The following SLC26A8 variants were observed in gnomAD, a reference collection of about 807,000 sequenced individuals.
SLC26A8 encodes testis anion transporter 1.
In SLC26A8, 70 loss-of-function variants were observed where a neutral mutation model predicts 105.0. The observed-to-expected ratio is 0.67, with a 90% confidence interval of 0.55 to 0.81. SLC26A8 has a LOEUF of 0.81. Ranked by LOEUF, SLC26A8 falls within the 40% of genes least tolerant of loss-of-function variation. SLC26A8 has a pLI of 0.00. For synonymous variants in SLC26A8, 415 were observed against 438.3 expected, an observed-to-expected ratio of 0.95 and a Z score of 0.66; for missense variants, 998 against 1,181.8, an observed-to-expected ratio of 0.84 and a Z score of 2.28.
rs114530544 is a variant in SLC26A8, at chr6:35,974,045, C to T, written c.1287+1330G>A. ...AAACTCATGAACATTGGGCCGGGCC[C>T]GGTGGTTCATGCCTGTAATCCCAGC... On this transcript the variant is annotated intron_variant, in intron 10 of 19. Transcript: ENST00000490799. Among the ~76,000 whole-genome samples the T allele has an allele frequency of 4.4e-3, 668 of 152,280 alleles. 8 individuals carry two copies. The highest frequency in any genetic ancestry group is 6.6e-3 in the Non-Finnish European group (452 of 68,028).
intron 2 of SLC26A8, 77 bp from the exon 3 acceptor site, chr6:36,012,449 C>T (rs542141267): frequency 6.8e-7 from 1 of 1,475,634 alleles, no homozygotes; most frequent in South Asian, 1.4e-5. Flanking sequence ...GGCATTTGGC[C>T]CACATAGCCA....
At chr6:36,004,674 G>A (rs77812847) in intron 3 of SLC26A8, among the ~76,000 whole-genome samples, 1 of 73,596 alleles carries the variant, frequency 1.4e-5, no homozygotes, top group African/African-American at 6.0e-5. Flanking sequence ...TCTTTTTTTT[G>A]TGTGTGACTG....
At chr6:35,989,088 C>T (rs1307227312) in intron 7 of SLC26A8, among the ~76,000 whole-genome samples, 1 of 152,126 alleles carries the variant, frequency 6.6e-6, no homozygotes, top group Non-Finnish European at 1.5e-5. Flanking sequence ...GATCCACCCA[C>T]CTCGGCCTCC....
chr6:36,003,996 T>A (rs936360575), intron 3 of SLC26A8, among the ~76,000 whole-genome samples: 3 of 151,790 alleles, frequency 2.0e-5, no homozygotes, highest in Non-Finnish European at 2.9e-5. Context: ...AGTGTACGTA[T>A]CCCTACACAA....
At chr6:35,985,451 T>C (rs1230978032) in intron 7 of SLC26A8, among the ~76,000 whole-genome samples, 1 of 151,874 alleles carries the variant, frequency 6.6e-6, no homozygotes, top group Non-Finnish European at 1.5e-5. Context: ...TCCCAGCACT[T>C]TGGGAGGCCA....
At chr6:35,968,146 C>T (rs1042691303) in intron 11 of SLC26A8, among the ~76,000 whole-genome samples, 2 of 149,050 alleles carry the variant, frequency 1.3e-5, no homozygotes, top group African/African-American at 4.9e-5. Flanking sequence ...CTATAACTAA[C>T]GCTTTTTTTT....
chr6:35,944,136 C>T lies in SLC26A8; in HGVS notation c.2677G>A (p.Glu893Lys), dbSNP rs763497134. Residue 893 changes from glutamate to lysine, a missense_variant, in exon 20 of 20, where the codon GAG becomes AAG. Coordinates refer to ENST00000490799, the MANE Select transcript of SLC26A8 (RefSeq NM_052961.4). Reference protein sequence around the residue: ...EPEMEPKAETETKTQTEMEPQ... With the variant: ...EPEMEPKAETKTKTQTEMEPQ... ...TCCATCTCGGTCTGGGTCTTGGTCT[C>T]GGTCTCAGCCTTGGGCTCCATTTCA... 5 of 1,614,084 alleles carry T rather than the reference C, an allele frequency of 3.1e-6. No individual in the cohort carries two copies. Among genetic ancestry groups the T allele is most frequent in the East Asian group, 2.2e-5 (1 of 44,884 alleles).
chr6:35,998,563 A>AG (rs1761426843), intron 4 of SLC26A8, among the ~76,000 whole-genome samples: 2 of 151,960 alleles, frequency 1.3e-5, no homozygotes, highest in Admixed American at 6.6e-5. Flanking sequence ...CTCAAAAAAA[A>AG]AAAAAGAAAA....
rs79003027 is a variant in SLC26A8, at chr6:36,005,424, T to A, written c.329-5316A>T. ...TTGTTATTTCCCCTTATTCCTGCAA[T>A]CTATAACAGTTCCTTAATTTTTACC... On this transcript the variant is annotated intron_variant, in intron 3 of 19. Coordinates refer to ENST00000490799, the MANE Select transcript of SLC26A8 (RefSeq NM_052961.4). Among the ~76,000 whole-genome samples the A allele has an allele frequency of 4.7e-4, 71 of 152,338 alleles. 1 individual carries two copies. The East Asian group carries it at 0.014, about 29-fold the overall frequency.
chr6:36,006,312 G>T (rs1207156602), intron 3 of SLC26A8, among the ~76,000 whole-genome samples: 5 of 152,098 alleles, frequency 3.3e-5, no homozygotes, highest in African/African-American at 1.2e-4. Context: ...TAGAGACAGG[G>T]TTTTGCCATA....
At position 35,994,111 on chromosome 6, in the gene SLC26A8, CTTTTCTTTTTTTTTT is replaced by C. The variant is rs1761275251; in HGVS notation, c.628-1452_628-1438del. ...CGGCACTGTGTCTCCCTTTTTTTTT[CTTTTCTTTTTTTTTT>C]TTTTTTGAGACGGAGTCTTGCTCTG... On this transcript the variant is annotated intron_variant, in intron 5 of 19. Coordinates refer to ENST00000490799, the MANE Select transcript of SLC26A8 (RefSeq NM_052961.4). 5.9e-5 allele frequency among the ~76,000 whole-genome samples: 7 copies of C among 118,534 alleles called. No individual in the cohort carries two copies. In the South Asian group the frequency reaches 2.3e-3, roughly 39 times the overall value. The allele number at this position is 118,534 out of a possible 152,430, so 77.8% of individuals were successfully genotyped here.
chr6:35,964,146 C>G (rs932608914), intron 11 of SLC26A8, among the ~76,000 whole-genome samples: 8 of 152,066 alleles, frequency 5.3e-5, no homozygotes, highest in Non-Finnish European at 1.0e-4. Flanking sequence ...GAGATGGAGG[C>G]TGCAGTGAGG....
chr6:35,943,950 G>A lies in SLC26A8; in HGVS notation c.2863C>T (p.His955Tyr). The change falls in exon 20 of 20, where the codon CAT (histidine) becomes TAT (tyrosine). Residue 955 changes from histidine (H) to tyrosine (Y), a missense_variant. Physicochemically the swap from His to Tyr is moderately conservative, Grantham distance 83. Transcript: ENST00000490799. ...TRTWSVERRR[H>Y]PMDSYSPEGN... Reference sequence around the variant, plus strand: ...TCTGGTGAGTATGAATCCATAGGATGGCGTCTCCTCTCCACTGACCATGTC... The same window carrying A: ...TCTGGTGAGTATGAATCCATAGGATAGCGTCTCCTCTCCACTGACCATGTC... The A allele has an allele frequency of 6.2e-7, 1 of 1,614,168 alleles. No homozygotes were observed. The highest frequency in any genetic ancestry group is 8.5e-7 in the Non-Finnish European group (1 of 1,180,030).
intron 8 of SLC26A8, among the ~76,000 whole-genome samples, chr6:35,977,620 T>G (rs1256637072): frequency 1.3e-5 from 2 of 152,164 alleles, no homozygotes; most frequent in Non-Finnish European, 2.9e-5. Context: ...GGCCAAACAT[T>G]AACGATTCAC....
rs138791675 is a variant in SLC26A8 at position 35,968,167 on chromosome 6, C to T, written c.1365+710G>A. ...CTAACGCTTTTTTTTCTTTTTTAGA[C>T]GGAGTCTCACTCTGTAACCCAGGCT... On this transcript the variant is annotated intron_variant, in intron 11 of 19. Transcript: ENST00000490799. 4.7e-3 allele frequency among the ~76,000 whole-genome samples: 693 copies of T among 148,888 alleles called. 10 individuals are homozygous for T. Among genetic ancestry groups the T allele is most frequent in the South Asian group, 0.025 (116 of 4,682 alleles).
chr6:35,950,119 A>G (rs1722216765), intron 19 of SLC26A8, among the ~76,000 whole-genome samples: 1 of 151,692 alleles, frequency 6.6e-6, no homozygotes, highest in African/African-American at 2.4e-5. Flanking sequence ...TAACTGTTTC[A>G]GATGTGGTGT....
At chr6:35,974,043 C>T (rs576887842) in intron 10 of SLC26A8, among the ~76,000 whole-genome samples, 30 of 152,312 alleles carry the variant, frequency 2.0e-4, no homozygotes, top group Non-Finnish European at 1.9e-4. Context: ...TTGGGCCGGG[C>T]CCGGTGGTTC....
intron 7 of SLC26A8, among the ~76,000 whole-genome samples, chr6:35,988,611 G>T (rs1048523693): frequency 6.6e-6 from 1 of 151,862 alleles, no homozygotes; most frequent in Non-Finnish European, 1.5e-5. Flanking sequence ...CTCCAGACTG[G>T]GTGACAGAGC....
chr6:35,957,999 G>A (rs1772151875), intron 16 of SLC26A8, among the ~76,000 whole-genome samples: 1 of 151,868 alleles, frequency 6.6e-6, no homozygotes, highest in Non-Finnish European at 1.5e-5. Flanking sequence ...TTACTTCCCA[G>A]GCTAAGCCTC....
Sources: gnomAD v4.1 joint callset for allele counts (sites outside exome capture counted in the v4.1 genomes callset) on GRCh38, gnomAD v4.1.1 for gene constraint, MANE v1.5 for transcripts, NCBI Gene and HGNC (gene_info 2026-07-23, HGNC 2026-07-21) for gene names.